The following MAN1A1 variants were observed in gnomAD, a reference collection of about 807,000 sequenced individuals.
MAN1A1 encodes mannosyl-oligosaccharide 1,2-alpha-mannosidase IA.
A neutral mutation model predicts 70.8 loss-of-function variants in MAN1A1; 29 were observed. The observed-to-expected ratio is 0.41, with a 90% CI of 0.31 to 0.56. The LOEUF is 0.56. Among genes scored for constraint, MAN1A1 ranks in the 20% least tolerant of loss-of-function variants. The pLI, the probability that MAN1A1 is intolerant of heterozygous loss-of-function variation, is 0.29. For synonymous variants in MAN1A1, 349 were observed against 330.1 expected (o/e 1.06, Z -0.62); for missense variants, 747 against 841.3 (o/e 0.89, Z 1.39).
intron 3 of MAN1A1, among the ~76,000 whole-genome samples, chr6:119,306,607 T>C (rs918037247): frequency 6.6e-6 from 1 of 152,164 alleles, no homozygotes; most frequent in African/African-American, 2.4e-5. Context: ...AGGCTAAAAT[T>C]TATGATACTG....
chr6:119,222,864 C>G (rs1333264645), intron 6 of MAN1A1, among the ~76,000 whole-genome samples: 1 of 152,156 alleles, frequency 6.6e-6, no homozygotes, highest in Admixed American at 6.5e-5. Context: ...GCCCCATAAT[C>G]TCTCTCCTTC....
chr6:119,193,732 A>G (rs765953638), intron 9 of MAN1A1, 45 bp downstream of exon 9: 2 of 1,329,698 alleles, frequency 1.5e-6, no homozygotes, highest in Non-Finnish European at 2.1e-6. Context: ...TATACAAATT[A>G]TAAGTTAGGG....
chr6:119,244,010 G>A (rs1775089198), intron 6 of MAN1A1, among the ~76,000 whole-genome samples: 1 of 152,118 alleles, frequency 6.6e-6, no homozygotes, highest in Admixed American at 6.5e-5. Context: ...CATTTATCAA[G>A]AAAGACAGAA....
chr6:119,311,547 T>A (rs1430436916), intron 2 of MAN1A1, among the ~76,000 whole-genome samples: 1 of 152,064 alleles, frequency 6.6e-6, no homozygotes, highest in African/African-American at 2.4e-5. Flanking sequence ...TCGAGGGATT[T>A]GAGGTTGATC....
chr6:119,337,454 C>G (rs117573355), intron 2 of MAN1A1, among the ~76,000 whole-genome samples: 4,214 of 152,266 alleles, frequency 0.028, 90 homozygotes, highest in Non-Finnish European at 0.045. Flanking sequence ...ATACTGGGCC[C>G]TATTATGGGC....
At chr6:119,265,098 TTA>T (rs199994803) in intron 5 of MAN1A1, among the ~76,000 whole-genome samples, 2 of 95,600 alleles carry the variant, frequency 2.1e-5, no homozygotes, top group African/African-American at 3.9e-5. Context: ...AGTGCCTTTT[TTA>T]AATTTTTTTT....
intron 10 of MAN1A1, among the ~76,000 whole-genome samples, chr6:119,188,803 T>C (rs1773361624): frequency 6.6e-6 from 1 of 152,166 alleles, no homozygotes; most frequent in South Asian, 2.1e-4. Context: ...TTAAATCACC[T>C]TGTTTACTTA....
intron 6 of MAN1A1, among the ~76,000 whole-genome samples, chr6:119,206,564 G>T (rs1308148299): frequency 6.6e-6 from 1 of 152,140 alleles, no homozygotes; most frequent in Non-Finnish European, 1.5e-5. Flanking sequence ...ATCTGAAAAT[G>T]ATATATTCAT....
chr6:119,229,568 T>C (rs1000120027), intron 6 of MAN1A1, among the ~76,000 whole-genome samples: 5 of 152,214 alleles, frequency 3.3e-5, no homozygotes, highest in African/African-American at 1.2e-4. Context: ...ACAAATGCAG[T>C]TGAGCTTCAA....
rs770745881 is a variant in MAN1A1, at chr6:119,178,362, G to T, written c.*1457C>A. On this transcript the variant is annotated 3_prime_UTR_variant, in exon 13 of 13. Transcript: ENST00000368468. ...TCATATGTTTCAGCCTAATCCATGG[G>T]GTTGTACTGATCTTTCTGACCATTC... 6.6e-6 allele frequency: 1 copy of T among 152,034 alleles called. No homozygotes were observed. The highest frequency in any genetic ancestry group is 1.5e-5 in the Non-Finnish European group (1 of 67,948). The allele number at this position is 152,034 out of a possible 1,614,324, so 9.4% of individuals were successfully genotyped here. A position where few individuals can be genotyped will look rare whatever the true frequency, so the allele number is the denominator to read the frequency against.
chr6:119,298,709 G>C (rs1457406300), intron 4 of MAN1A1, among the ~76,000 whole-genome samples: 1 of 151,052 alleles, frequency 6.6e-6, no homozygotes, highest in African/African-American at 2.4e-5. Context: ...CTATTCTCCT[G>C]CCTCAGCCCC....
At chr6:119,262,520 C>T (rs1249734539) in intron 5 of MAN1A1, among the ~76,000 whole-genome samples, 1 of 151,510 alleles carries the variant, frequency 6.6e-6, no homozygotes, top group Admixed American at 6.6e-5. Flanking sequence ...AATACTTACT[C>T]ACTGCTGGTG....
intron 5 of MAN1A1, among the ~76,000 whole-genome samples, chr6:119,271,584 C>T (rs1341919687): frequency 6.6e-6 from 1 of 152,062 alleles, no homozygotes; most frequent in Non-Finnish European, 1.5e-5. Context: ...ACTGCAACCT[C>T]CGCCTCCTGG....
chr6:119,322,623 T>C (rs1277759791), intron 2 of MAN1A1, among the ~76,000 whole-genome samples: 3 of 152,288 alleles, frequency 2.0e-5, no homozygotes, highest in Non-Finnish European at 4.4e-5. Context: ...TTATATAATA[T>C]ACATAGACAC....
At chr6:119,224,010 G>T (rs1582711224) in intron 6 of MAN1A1, among the ~76,000 whole-genome samples, 1 of 152,198 alleles carries the variant, frequency 6.6e-6, no homozygotes, top group East Asian at 1.9e-4. Flanking sequence ...AAAAATTGCA[G>T]TTATATTTTA....
intron 6 of MAN1A1, among the ~76,000 whole-genome samples, chr6:119,213,895 C>G (rs1774120156): frequency 6.6e-6 from 1 of 152,120 alleles, no homozygotes; most frequent in Non-Finnish European, 1.5e-5. Context: ...CTTTAATTTA[C>G]ATGTTTATAC....
At chr6:119,185,626 G>A (rs547490662) in intron 11 of MAN1A1, among the ~76,000 whole-genome samples, 2 of 152,096 alleles carry the variant, frequency 1.3e-5, no homozygotes, top group Non-Finnish European at 2.9e-5. Context: ...CCTCAGGTTC[G>A]AGTGCAGTGG....
At chr6:119,338,773 AG>A (rs762754750) in intron 2 of MAN1A1, among the ~76,000 whole-genome samples, 5 of 152,236 alleles carry the variant, frequency 3.3e-5, no homozygotes, top group Non-Finnish European at 5.9e-5. Flanking sequence ...TCTCAGCTGA[AG>A]GATGTGGGCT....
chr6:119,277,916 G>A (rs573301877), intron 5 of MAN1A1, among the ~76,000 whole-genome samples: 68 of 107,774 alleles, frequency 6.3e-4, no homozygotes, highest in African/African-American at 2.5e-3. Context: ...CAGCCTGGGC[G>A]ACAGAGCAAG....
Sources: gnomAD v4.1 joint callset for allele counts (sites outside exome capture counted in the v4.1 genomes callset) on GRCh38, gnomAD v4.1.1 for gene constraint, MANE v1.5 for transcripts, NCBI Gene and HGNC (gene_info 2026-07-23, HGNC 2026-07-21) for gene names.